The following ECPAS variants were observed in gnomAD, a reference collection of about 807,000 sequenced individuals.
ECPAS encodes proteasome adapter and scaffold protein ECM29.
Under a neutral mutation model 255.1 loss-of-function variants are expected in ECPAS, and 70 were observed. The ratio of observed to expected loss-of-function variants is 0.27; its 90% CI spans 0.23 to 0.33. The LOEUF is 0.33. ECPAS is among the 10% of genes least tolerant of loss of function. The probability of loss-of-function intolerance (pLI) is 1.00; values close to 1 mark genes in which losing one functional copy is unlikely to be tolerated. For synonymous variants in ECPAS, 784 were observed against 775.0 expected (o/e 1.01, Z -0.19); for missense variants, 1,817 against 2,206.4 (o/e 0.82, Z 3.54).
intron 16 of ECPAS, 91 bp from the exon 17 acceptor site, chr9:111,418,097 G>C: frequency 8.4e-7 from 1 of 1,189,816 alleles, no homozygotes; most frequent in Admixed American, 3.0e-5. Flanking sequence ...TTATTTGGCA[G>C]CTAGAGTTCT....
At chr9:111,395,283 G>C (rs2098165964) in intron 25 of ECPAS, among the ~76,000 whole-genome samples, 1 of 152,082 alleles carries the variant, frequency 6.6e-6, no homozygotes, top group African/African-American at 2.4e-5. Flanking sequence ...ATATTATGTA[G>C]AGATGTTAAG....
chr9:111,393,824 T>A (rs76060363), intron 26 of ECPAS, 90 bp from the exon 27 acceptor site: 17,306 of 972,038 alleles, frequency 0.018, 220 homozygotes, highest in Non-Finnish European at 0.022. Flanking sequence ...AAATTTGTAG[T>A]CTTATTATCC....
At chr9:111,478,689 G>A (rs2132122029) in intron 1 of ECPAS, among the ~76,000 whole-genome samples, 1 of 152,220 alleles carries the variant, frequency 6.6e-6, no homozygotes, top group Admixed American at 6.5e-5. Flanking sequence ...GGCAGAAAAT[G>A]TTCATTTGAA....
intron 7 of ECPAS, 96 bp from the exon 8 acceptor site, chr9:111,433,468 A>G (rs922183988): frequency 1.8e-5 from 24 of 1,308,818 alleles, no homozygotes; most frequent in Non-Finnish European, 2.5e-5. Context: ...TCACAAGCCA[A>G]AGATGAGCAG....
intron 6 of ECPAS, among the ~76,000 whole-genome samples, chr9:111,439,271 CTTTTT>C (rs909855823): frequency 6.6e-6 from 1 of 150,788 alleles, no homozygotes; most frequent in Admixed American, 6.6e-5. Flanking sequence ...TTCTTTTTTC[CTTTTT>C]TTTTGTTTTT....
rs371680837 is a variant in ECPAS at position 111,362,068 on chromosome 9, C to A, written c.5482G>T (p.Ala1828Ser). ...PDSRPELQEK[A>S]ALLKKTLENL... ...TCAAGTGTTTTCTTCAGTAACGCTG[C>A]TTTCTCCTGCAGTTCAGGTCTGCTG... The change falls in exon 50 of 50, where the codon GCA becomes TCA. Residue 1828 changes from alanine to serine, a missense_variant. Ala to Ser is a moderately conservative substitution (Grantham distance 99). Transcript: ENST00000684092. 22 of 1,612,320 alleles carry A rather than the reference C, an allele frequency of 1.4e-5. 1 individual carries two copies. In the Admixed American group the frequency reaches 2.8e-4, roughly 21 times the overall value.
intron 21 of ECPAS, among the ~76,000 whole-genome samples, 182 bp from the exon 22 acceptor site, chr9:111,411,324 T>C (rs542934589): frequency 6.6e-6 from 1 of 152,144 alleles, no homozygotes; most frequent in Non-Finnish European, 1.5e-5. Flanking sequence ...AGAGAAACCT[T>C]GAGTTTCTAA....
At chr9:111,372,767 T>C (rs1019498400) in intron 41 of ECPAS, 147 bp from the exon 42 acceptor site, 48 of 702,078 alleles carry the variant, frequency 6.8e-5, no homozygotes, top group Non-Finnish European at 1.0e-4. Flanking sequence ...TGTGGTGGCT[T>C]ACACCTGTAA....
intron 16 of ECPAS, among the ~76,000 whole-genome samples, chr9:111,418,547 A>G (rs568124563): frequency 3.3e-5 from 5 of 152,288 alleles, no homozygotes; most frequent in East Asian, 1.9e-4. Flanking sequence ...TAATTCTTCA[A>G]TTGCCTCTGA....
rs1476732104 is a variant in ECPAS, at chr9:111,420,248, C to T, written c.1456-128G>A. 8 of 606,848 alleles carry T rather than the reference C, an allele frequency of 1.3e-5. No individual in the cohort carries two copies. In the Admixed American group the frequency reaches 1.6e-4, roughly 12 times the overall value. 37.6% of individuals were successfully genotyped at this position (606,848 alleles called of 1,614,324 possible). A position where few individuals can be genotyped will look rare whatever the true frequency, so the allele number is the denominator to read the frequency against. The stretch of plus-strand genomic sequence containing the variant: ...TAAACAATTCAAAATTCTAAGGTGA[C>T]ATTTTAATAAACGTGTATCTAAATT... On this transcript the variant is annotated intron_variant, in intron 15 of 49. Transcript: ENST00000684092.
At chr9:111,418,354 G>A (rs1366963642) in intron 16 of ECPAS, among the ~76,000 whole-genome samples, 1 of 152,082 alleles carries the variant, frequency 6.6e-6, no homozygotes, top group Admixed American at 6.5e-5. Flanking sequence ...AGAAGTCAGT[G>A]ACTATCCAGT....
intron 42 of ECPAS, 120 bp from the exon 43 acceptor site, chr9:111,371,949 C>T (rs2098127817): frequency 1.4e-6 from 1 of 705,884 alleles, no homozygotes; most frequent in Admixed American, 2.7e-5. Context: ...TGTTAAAACA[C>T]ACCACTCTCT....
At chr9:111,472,769 G>A (rs2098290446) in intron 2 of ECPAS, 128 bp downstream of exon 2, 1 of 200,762 alleles carries the variant, frequency 5.0e-6, no homozygotes, top group Non-Finnish European at 1.1e-5. Flanking sequence ...AATTTTCTCA[G>A]GCTAGCTAGA....
chr9:111,403,536 A>T (rs1351928533), intron 24 of ECPAS, among the ~76,000 whole-genome samples: 1 of 149,954 alleles, frequency 6.7e-6, no homozygotes, highest in Non-Finnish European at 1.5e-5. Context: ...ATAATGATAA[A>T]GGGCTCAATT....
At chr9:111,394,390 C>T (rs1289943176) in intron 25 of ECPAS, 85 bp from the exon 26 acceptor site, 4 of 1,221,996 alleles carry the variant, frequency 3.3e-6, no homozygotes, top group Non-Finnish European at 4.4e-6. Flanking sequence ...TCAACATTTA[C>T]TCAACAGAAC....
At chr9:111,393,867 T>A (rs922725416) in intron 26 of ECPAS, 133 bp from the exon 27 acceptor site, 3 of 730,210 alleles carry the variant, frequency 4.1e-6, no homozygotes, top group Admixed American at 6.1e-5. Context: ...TGCTCTCATC[T>A]TTACAGGTGG....
At chr9:111,411,868 C>A (rs2151179) in intron 21 of ECPAS, 146 bp downstream of exon 21, 1 of 648,744 alleles carries the variant, frequency 1.5e-6, no homozygotes, top group African/African-American at 1.9e-5. Context: ...ACCAATGTAT[C>A]ACCTATCTCA....
chr9:111,448,399 C>A (rs1049570700), intron 3 of ECPAS, among the ~76,000 whole-genome samples: 1 of 151,676 alleles, frequency 6.6e-6, no homozygotes, highest in Admixed American at 6.6e-5. Context: ...GAGAAAAAAA[C>A]CTTAAATGGA....
At chr9:111,432,171 ATC>A (rs1180090644) in intron 8 of ECPAS, among the ~76,000 whole-genome samples, 1 of 152,258 alleles carries the variant, frequency 6.6e-6, no homozygotes, top group Admixed American at 6.5e-5. Context: ...ATTTTTCTAA[ATC>A]TCTTTCTGCT....
Sources: allele counts gnomAD v4.1 joint callset (sites outside exome capture counted in the v4.1 genomes callset), GRCh38; gene constraint gnomAD v4.1.1; transcripts MANE v1.5; gene names NCBI Gene and HGNC (gene_info 2026-07-23, HGNC 2026-07-21).